Variants in MED12 observed in about 807,000 individuals in gnomAD.
MED12 encodes the protein mediator complex subunit 12.
A neutral mutation model predicts 177.7 loss-of-function variants in MED12; 10 were observed. The observed-to-expected ratio is 0.06, with a 90% CI of 0.03 to 0.10. The LOEUF is 0.10. Ranked by LOEUF, MED12 falls within the 10% of genes least tolerant of loss-of-function variation. The pLI, the probability that MED12 is intolerant of heterozygous loss-of-function variation, is 1.00. For missense variants in MED12, 867 were observed against 1,780.8 expected, an observed-to-expected ratio of 0.49 and a Z score of 9.23; for synonymous variants, 641 against 678.4, an observed-to-expected ratio of 0.94 and a Z score of 0.86.
Position 71,136,313 on chromosome X carries a change from G to A in MED12, c.5058G>A (p.Ser1686=), listed in dbSNP as rs1346436513. Reference sequence around the variant, plus strand: ...AGGTTTCCACCAAACAGAAGATCTCGCCCTGGGATCTTTTTGAGGGGTTGA... The same window carrying A: ...AGGTTTCCACCAAACAGAAGATCTCACCCTGGGATCTTTTTGAGGGGTTGA... ...GLQVSTKQKI[S]PWDLFEGLKP... Residue 1686 remains serine (S), a synonymous_variant, in exon 37 of 45, where the codon TCG becomes TCA. Coordinates refer to ENST00000374080, the MANE Select transcript of MED12 (RefSeq NM_005120.3). The A allele has an allele frequency of 1.1e-5, 13 of 1,209,227 alleles. No individual in the cohort carries two copies. The highest frequency in any genetic ancestry group is 3.5e-5 in the African/African-American group (2 of 56,925).
Position 71,118,688 on chromosome X carries a change from C to T in MED12, c.-67C>T. On this transcript the variant is annotated 5_prime_UTR_variant, in exon 1 of 45. Transcript: ENST00000374080. ...CCACCGCCCCCCTTTTCGGCTCCCT[C>T]TCCCCCTTCCCGTTCCCCCAGTCAG... 1 of 1,070,852 alleles carries T rather than the reference C, an allele frequency of 9.3e-7. No homozygotes were observed. 88.3% of individuals were successfully genotyped at this position (1,070,852 alleles called of 1,213,427 possible). A position where few individuals can be genotyped will look rare whatever the true frequency, so the allele number is the denominator to read the frequency against.
Position 71,142,317 on chromosome X carries a change from C to A in MED12, c.*99C>A. 1 of 876,281 alleles carries A rather than the reference C, an allele frequency of 1.1e-6. No individual in the cohort carries two copies. The highest frequency in any genetic ancestry group is 1.7e-6 in the Non-Finnish European group (1 of 594,426). The allele number at this position is 876,281 out of a possible 1,213,427, so 72.2% of individuals were successfully genotyped here. Reference sequence around the variant, plus strand: ...GCTAGCACCAGTAGTGGTTGGGGCCCTCCCCTCAGGCTCCATTTTTAATAA... The same window carrying A: ...GCTAGCACCAGTAGTGGTTGGGGCCATCCCCTCAGGCTCCATTTTTAATAA... On this transcript the variant is annotated 3_prime_UTR_variant, in exon 45 of 45. Transcript: ENST00000374080.
chrX:71,132,254 T>C (rs1220473519), intron 30 of MED12, 48 bp downstream of exon 30: 2 of 1,187,163 alleles, frequency 1.7e-6, no homozygotes, highest in African/African-American at 3.5e-5. Context: ...GTTTATCTGC[T>C]GGTAGCGTGA....
At chrX:71,128,179 G>C in intron 22 of MED12, 59 bp downstream of exon 22, 1 of 1,185,195 alleles carries the variant, frequency 8.4e-7, no homozygotes, top group Non-Finnish European at 1.1e-6. Context: ...AGGGAGGGCT[G>C]AGGTACCCGG....
At position 71,140,829 on chromosome X, in the gene MED12, G is replaced by GGCAGCA. The variant is rs786200971; in HGVS notation, c.6253_6258dup (p.Gln2085_Gln2086dup). ...CAGCAGCAGCAGCAGTACCACATCC[G>GGCAGCA]GCAGCAGCAGCAGCAGCAGATCCTG... On this transcript the variant is annotated inframe_insertion, in exon 42 of 45. Coordinates refer to ENST00000374080, the MANE Select transcript of MED12 (RefSeq NM_005120.3). The GGCAGCA allele has an allele frequency of 2.8e-5, 33 of 1,197,125 alleles. No homozygotes were observed. Among genetic ancestry groups the GGCAGCA allele is most frequent in the Non-Finnish European group, 3.6e-5 (32 of 890,364 alleles).
chrX:71,119,908 A>G (rs1230561929), intron 3 of MED12, 31 bp downstream of exon 3: 1 of 1,208,875 alleles, frequency 8.3e-7, no homozygotes. Flanking sequence ...CTTCAGGCCA[A>G]GGAGGGAGCA....
chrX:71,142,118 T>C, intron 44 of MED12, 57 bp from the exon 45 acceptor site: 1 of 1,160,554 alleles, frequency 8.6e-7, no homozygotes, highest in Non-Finnish European at 1.2e-6. Flanking sequence ...GCTTTCCTCG[T>C]GCATACCCAC....
In MED12 at chrX:71,140,738, GAGCAGC is replaced by G. The variant is rs769857818; in HGVS notation, c.6162_6167del (p.Gln2075_Gln2076del). On this transcript the variant is annotated inframe_deletion, in exon 42 of 45. Transcript: ENST00000374080. ...CGTCCGTTCAACAGCCATCCTACCTGAGCAGCAGCAGCAGCAGCAACAGCAGCAACA... is the reference window on the plus strand; with the variant it reads ...CGTCCGTTCAACAGCCATCCTACCTGAGCAGCAGCAGCAACAGCAGCAACA... 2.7e-5 allele frequency: 32 copies of G among 1,206,189 alleles called. No homozygotes were observed. Among genetic ancestry groups the G allele is most frequent in the Non-Finnish European group, 3.5e-5 (31 of 894,126 alleles).
In MED12 at chrX:71,120,113, T is replaced by C; in HGVS notation, c.496T>C (p.Tyr166His). The change falls in exon 4 of 45, where the codon TAC (tyrosine) becomes CAC (histidine). Residue 166 changes from tyrosine (Y) to histidine (H), a missense_variant. Coordinates refer to ENST00000374080, the MANE Select transcript of MED12 (RefSeq NM_005120.3). ...AAWLIKMTCA[Y>H]YAAISETKVK... ...CTGGCTCATTAAGATGACCTGTGCC[T>C]ACTATGCAGCAATCTCTGAGACCAA... 8.3e-7 allele frequency: 1 copy of C among 1,211,645 alleles called. No homozygotes were observed. Among genetic ancestry groups the C allele is most frequent in the Non-Finnish European group, 1.1e-6 (1 of 895,407 alleles).
rs754407926 is a variant in MED12 at position 71,121,388 on chromosome X, G to A, written c.797G>A (p.Arg266His). 7 of 1,211,776 alleles carry A rather than the reference G, an allele frequency of 5.8e-6. No homozygotes were observed. The East Asian group carries it at 8.9e-5, about 15-fold the overall frequency. The change falls in exon 6 of 45, where the codon CGC (arginine) becomes CAC (histidine). Residue 266 changes from arginine (R) to histidine (H), a missense_variant. Physicochemically the swap from Arg to His is conservative, Grantham distance 29 (BLOSUM62 0). Transcript: ENST00000374080. Reference protein sequence around the residue: ...TWVLECFEKIRPGEDELLKLL... With the variant: ...TWVLECFEKIHPGEDELLKLL... ...GTGCTTGAGTGTTTTGAGAAGATCC[G>A]CCCTGGAGAGGATGAATTGCTTAAA...
chrX:71,134,864 G>A lies in MED12; in HGVS notation c.4863+16G>A, dbSNP rs745396813. The A allele has an allele frequency of 1.6e-5, 19 of 1,210,974 alleles. No homozygotes were observed. The South Asian group carries it at 2.3e-4, about 15-fold the overall frequency. ...GAAGTTGCAGGTAAGCAGAGGAAGCGGGGGCAAGGTTTGCGGTTACTGGAA... is the reference window on the plus strand; with the variant it reads ...GAAGTTGCAGGTAAGCAGAGGAAGCAGGGGCAAGGTTTGCGGTTACTGGAA... On this transcript the variant is annotated intron_variant, in intron 35 of 44. Coordinates refer to ENST00000374080, the MANE Select transcript of MED12 (RefSeq NM_005120.3).
At position 71,120,186 on chromosome X, in the gene MED12, C is replaced by CA; in HGVS notation, c.553+17dup. The stretch of plus-strand genomic sequence containing the variant: ...CCTTTCATGGGTGAGTAACTCCTAA[C>CA]ACCAGGTGTACTGCTGATGGCTTCA... On this transcript the variant is annotated intron_variant, in intron 4 of 44. Coordinates refer to ENST00000374080, the MANE Select transcript of MED12 (RefSeq NM_005120.3). 1 of 1,205,995 alleles carries CA rather than the reference C, an allele frequency of 8.3e-7. No homozygotes were observed. The highest frequency in any genetic ancestry group is 1.1e-6 in the Non-Finnish European group (1 of 890,759).
chrX:71,122,097 C>A, intron 7 of MED12, 103 bp from the exon 8 acceptor site: 1 of 1,066,832 alleles, frequency 9.4e-7, no homozygotes, highest in African/African-American at 1.8e-5. Context: ...GGGACCCAGT[C>A]AGAATAACTT....
At chrX:71,138,063 C>A in intron 41 of MED12, 120 bp downstream of exon 41, 1 of 690,425 alleles carries the variant, frequency 1.4e-6, no homozygotes, top group Non-Finnish European at 2.3e-6. Context: ...ATCAAGAATA[C>A]TTATCTGGCC....
In MED12 at chrX:71,125,664, C is replaced by T. The variant is rs1355558211; in HGVS notation, c.2373C>T (p.Asp791=). 1.0e-6 allele frequency: 1 copy of T among 958,437 alleles called. No homozygotes were observed. Among genetic ancestry groups the T allele is most frequent in the Admixed American group, 2.5e-5 (1 of 39,740 alleles). 79.0% of individuals were successfully genotyped at this position (958,437 alleles called of 1,213,427 possible). A position where few individuals can be genotyped will look rare whatever the true frequency, so the allele number is the denominator to read the frequency against. The change falls in exon 17 of 45, where the codon GAC becomes GAT. Residue 791 remains aspartate, a splice_region_variant and synonymous_variant. Coordinates refer to ENST00000374080, the MANE Select transcript of MED12 (RefSeq NM_005120.3). ...VLNRKGTAET[D]QLAPIVPLNP... is the part of the protein sequence containing the mutation. ...CCCCCTCATTCCCCCCCTCTACAGA[C>T]CAGCTTGCTCCTATTGTGCCTCTGA...
In MED12 at chrX:71,125,339, G is replaced by A. The variant is rs1263367975; in HGVS notation, c.2227-12G>A. On this transcript the variant is annotated splice_polypyrimidine_tract_variant and intron_variant, in intron 15 of 44. Transcript: ENST00000374080. ...ATCGGTGCTGGAGTCTGATGGTGCTGCTGGGATGCAGGAGGAGTCATGCAG... is the reference window on the plus strand; with the variant it reads ...ATCGGTGCTGGAGTCTGATGGTGCTACTGGGATGCAGGAGGAGTCATGCAG... The A allele has an allele frequency of 8.3e-7, 1 of 1,208,490 alleles. No individual in the cohort carries two copies. Among genetic ancestry groups the A allele is most frequent in the Non-Finnish European group, 1.1e-6 (1 of 894,795 alleles).
At chrX:71,120,633 C>T (rs1476260608) in intron 4 of MED12, among the ~76,000 whole-genome samples, 1 of 106,952 alleles carries the variant, frequency 9.3e-6, no homozygotes, top group Non-Finnish European at 1.9e-5. Context: ...TTTTTTGAGA[C>T]AGAGCAAGAC....
At position 71,142,160 on chromosome X, in the gene MED12, T is replaced by C; in HGVS notation, c.6491-15T>C. On this transcript the variant is annotated splice_polypyrimidine_tract_variant and intron_variant, in intron 44 of 44. Coordinates refer to ENST00000374080, the MANE Select transcript of MED12 (RefSeq NM_005120.3). Reference sequence around the variant, plus strand: ...GCCTGGTCTTCCATCCCTGATAATCTCTGGTTTTTCACAGATACCCAGCCA... The same window carrying C: ...GCCTGGTCTTCCATCCCTGATAATCCCTGGTTTTTCACAGATACCCAGCCA... The C allele has an allele frequency of 8.3e-7, 1 of 1,209,104 alleles. No homozygotes were observed. Among genetic ancestry groups the C allele is most frequent in the Non-Finnish European group, 1.1e-6 (1 of 893,521 alleles).
rs755920101 is a variant in MED12 at position 71,131,619 on chromosome X, A to G, written c.4117A>G (p.Asn1373Asp). The G allele has an allele frequency of 8.3e-7, 1 of 1,209,825 alleles. No individual in the cohort carries two copies. Among genetic ancestry groups the G allele is most frequent in the Non-Finnish European group, 1.1e-6 (1 of 894,236 alleles). ...GCTCATGATCAAGCAGACCCCTAAC[A>G]ATGTGAGTAGTGCCTGGACCCTCCC... is the stretch of plus-strand genomic sequence containing the variant. ...LQLMIKQTPN[N>D]EMNSLLENIA... The change falls in exon 29 of 45, where the codon AAT (asparagine) becomes GAT (aspartate). Residue 1373 changes from asparagine (N) to aspartate (D), a missense_variant and splice_region_variant. Transcript: ENST00000374080.
Sources: allele counts gnomAD v4.1 joint callset (sites outside exome capture counted in the v4.1 genomes callset), GRCh38; gene constraint gnomAD v4.1.1; transcripts MANE v1.5; gene names NCBI Gene and HGNC (gene_info 2026-07-23, HGNC 2026-07-21).